Variants in USP32 observed in about 807,000 individuals in gnomAD.
USP32 encodes ubiquitin specific peptidase 32.
Under a neutral mutation model 204.8 loss-of-function variants are expected in USP32, and 59 were observed. The ratio of observed to expected loss-of-function variants is 0.29; its 90% CI spans 0.23 to 0.36. USP32 has a LOEUF of 0.36. Ranked by LOEUF, USP32 falls within the 10% of genes least tolerant of loss-of-function variation. The pLI is 1.00. For missense variants in USP32, 1,160 were observed against 1,946.4 expected (o/e 0.60, Z 7.60); for synonymous variants, 517 against 678.4 (o/e 0.76, Z 3.70).
chr17:60,412,582 T>A (rs913068187), intron 1 of USP32, among the ~76,000 whole-genome samples: 4 of 151,806 alleles, frequency 2.6e-5, no homozygotes, highest in Non-Finnish European at 5.9e-5. Flanking sequence ...TGGGACATTC[T>A]GATTCTGAAG....
At chr17:60,304,873 G>C (rs1352385511) in intron 2 of USP32, 1 of 152,108 alleles carries the variant, frequency 6.6e-6, no homozygotes, top group Non-Finnish European at 1.5e-5. Context: ...TTAAATGCTT[G>C]TTATGTGGCA....
At chr17:60,224,777 T>C (rs769459560) in intron 13 of USP32, among the ~76,000 whole-genome samples, 38 of 152,176 alleles carry the variant, frequency 2.5e-4, no homozygotes, top group Non-Finnish European at 4.7e-4. Context: ...AGTGACACCC[T>C]GTCTCTTTAA....
chr17:60,226,957 T>A (rs2085407261), intron 12 of USP32, among the ~76,000 whole-genome samples: 1 of 143,270 alleles, frequency 7.0e-6, no homozygotes, highest in Admixed American at 7.4e-5. Context: ...GGCAAGAGAA[T>A]CACTTGAACC....
intron 3 of USP32, among the ~76,000 whole-genome samples, chr17:60,298,004 G>A (rs1191560221): frequency 2.0e-5 from 3 of 152,192 alleles, no homozygotes; most frequent in Admixed American, 2.0e-4. Flanking sequence ...CTGGTTTACA[G>A]AGGCTGCTCA....
At chr17:60,355,830 C>CAA (rs1194639113) in intron 1 of USP32, among the ~76,000 whole-genome samples, 132 of 22,608 alleles carry the variant, frequency 5.8e-3, no homozygotes, top group East Asian at 0.027. Flanking sequence ...CTCACTCTCT[C>CAA]AAAAAAAAAA....
chr17:60,361,527 G>C (rs924767926), intron 1 of USP32, among the ~76,000 whole-genome samples: 2 of 152,134 alleles, frequency 1.3e-5, no homozygotes, highest in African/African-American at 4.8e-5. Flanking sequence ...TGCTTCTCCA[G>C]TGAGCACTAG....
intron 1 of USP32, among the ~76,000 whole-genome samples, chr17:60,359,432 A>G (rs983719932): frequency 3.9e-5 from 6 of 152,328 alleles, no homozygotes; most frequent in African/African-American, 1.4e-4. Flanking sequence ...TAAATGTGCT[A>G]TCTATTCTCT....
intron 9 of USP32, among the ~76,000 whole-genome samples, chr17:60,263,708 A>C (rs1396665224): frequency 2.0e-5 from 3 of 152,208 alleles, no homozygotes; most frequent in Non-Finnish European, 2.9e-5. Context: ...GTTCTCATAC[A>C]CACGAAATAG....
chr17:60,218,067 A>G (rs2085149642), intron 16 of USP32, among the ~76,000 whole-genome samples: 1 of 152,210 alleles, frequency 6.6e-6, no homozygotes, highest in South Asian at 2.1e-4. Context: ...TGTTTTCCCC[A>G]AAGACAAAGT....
chr17:60,230,890 C>T (rs2085529357), intron 12 of USP32, among the ~76,000 whole-genome samples: 2 of 152,120 alleles, frequency 1.3e-5, no homozygotes, highest in Admixed American at 6.5e-5. Context: ...CTTTTTTTGA[C>T]TGTTCATTTC....
intron 29 of USP32, among the ~76,000 whole-genome samples, chr17:60,189,913 T>C (rs1382641957): frequency 6.6e-6 from 1 of 152,234 alleles, no homozygotes; most frequent in Non-Finnish European, 1.5e-5. Flanking sequence ...GTTCACTTAT[T>C]AATATTTTTG....
At chr17:60,249,405 G>A (rs1356473827) in intron 11 of USP32, 2 of 264,316 alleles carry the variant, frequency 7.6e-6, no homozygotes, top group Non-Finnish European at 1.4e-5. Flanking sequence ...AGCTTGCTAA[G>A]GCTCACTATG....
chr17:60,242,586 T>C (rs1485062676), intron 11 of USP32, among the ~76,000 whole-genome samples: 1 of 152,122 alleles, frequency 6.6e-6, no homozygotes, highest in East Asian at 1.9e-4. Context: ...AATTTTTGTG[T>C]TTTTAGTAGA....
intron 24 of USP32, chr17:60,207,771 T>C (rs576514259): frequency 1.2e-5 from 3 of 253,086 alleles, no homozygotes; most frequent in Non-Finnish European, 2.2e-5. Flanking sequence ...AGCAGCAGTC[T>C]TTGGTGGAAA....
intron 1 of USP32, chr17:60,421,582 T>C (rs1289342839): frequency 1.0e-6 from 1 of 984,602 alleles, no homozygotes; most frequent in Non-Finnish European, 1.2e-6. Flanking sequence ...GTGGCTCGAG[T>C]GAGGAAACTG....
chr17:60,276,968 A>ATATATATATATATATATATAT, intron 5 of USP32, among the ~76,000 whole-genome samples: 1 of 134,350 alleles, frequency 7.4e-6, no homozygotes, highest in African/African-American at 3.7e-5. Flanking sequence ...TATATATATA[A>ATATATATATATATATATATAT]AATTACCAAA....
chr17:60,376,724 GT>G (rs2089551037), intron 1 of USP32, among the ~76,000 whole-genome samples: 1 of 151,820 alleles, frequency 6.6e-6, no homozygotes, highest in Admixed American at 6.6e-5. Context: ...GTTTCACCAT[GT>G]TGGCCAGGCT....
intron 1 of USP32, among the ~76,000 whole-genome samples, chr17:60,419,058 T>G (rs963676392): frequency 3.3e-5 from 5 of 152,106 alleles, no homozygotes; most frequent in South Asian, 2.1e-4. Context: ...TAAAGACACA[T>G]GCACTCGTAT....
chr17:60,203,157 G>T (rs1307184667), intron 26 of USP32, among the ~76,000 whole-genome samples: 2 of 149,810 alleles, frequency 1.3e-5, no homozygotes, highest in Non-Finnish European at 3.0e-5. Context: ...TGTAAACCCA[G>T]CACTTTGGGA....
Sources: gnomAD v4.1 joint callset for allele counts (sites outside exome capture counted in the v4.1 genomes callset) on GRCh38, gnomAD v4.1.1 for gene constraint, MANE v1.5 for transcripts, NCBI Gene and HGNC (gene_info 2026-07-23, HGNC 2026-07-21) for gene names.